EBF2: variants seen among roughly 807,000 people sequenced by gnomAD.
EBF2 encodes the protein transcription factor COE2.
Under a neutral mutation model 72.8 loss-of-function variants are expected in EBF2, and 21 were observed. The ratio of observed to expected loss-of-function variants is 0.29; its 90% CI spans 0.20 to 0.42. The LOEUF (loss-of-function observed/expected upper bound fraction) is 0.42, where lower values mean the gene tolerates loss of function less well. Ranked by LOEUF, EBF2 falls within the 10% of genes least tolerant of loss-of-function variation. The pLI is 1.00. For synonymous variants in EBF2, 299 were observed against 274.2 expected (o/e 1.09, Z -0.89); for missense variants, 637 against 731.2 (o/e 0.87, Z 1.49).
chr8:26,041,768 C>G (rs1306010327), intron 2 of EBF2, among the ~76,000 whole-genome samples: 1 of 152,154 alleles, frequency 6.6e-6, no homozygotes, highest in African/African-American at 2.4e-5. Context: ...TAAAATTAAC[C>G]CAGAGAAGGG....
chr8:26,041,269 C>T (rs956373980), intron 2 of EBF2: 9 of 523,356 alleles, frequency 1.7e-5, no homozygotes, highest in Middle Eastern at 5.2e-4. Flanking sequence ...CTTGAGCTTC[C>T]GACAACAGGA....
intron 6 of EBF2, among the ~76,000 whole-genome samples, chr8:25,979,841 C>T (rs1021971707): frequency 4.6e-5 from 7 of 152,130 alleles, no homozygotes; most frequent in Admixed American, 6.5e-5. Context: ...AAGGCTGTTC[C>T]GGCCACAAAA....
At chr8:25,915,857 C>A (rs1349452836) in intron 6 of EBF2, among the ~76,000 whole-genome samples, 1 of 152,148 alleles carries the variant, frequency 6.6e-6, no homozygotes, top group African/African-American at 2.4e-5. Flanking sequence ...CCTTTGGTAG[C>A]AGATAATTTC....
intron 3 of EBF2, 76 bp downstream of exon 3, chr8:26,040,863 T>C (rs1178590928): frequency 2.8e-5 from 45 of 1,595,928 alleles, no homozygotes; most frequent in Non-Finnish European, 3.7e-5. Context: ...CTGAGAGTGA[T>C]CATGGCAAGG....
At chr8:25,878,300 T>C (rs1016808850) in intron 10 of EBF2, among the ~76,000 whole-genome samples, 1 of 152,178 alleles carries the variant, frequency 6.6e-6, no homozygotes, top group Non-Finnish European at 1.5e-5. Flanking sequence ...AGCACTGTCC[T>C]GCAGTGAAGC....
intron 11 of EBF2, among the ~76,000 whole-genome samples, chr8:25,862,227 G>A (rs1424984129): frequency 6.6e-6 from 1 of 152,178 alleles, no homozygotes; most frequent in African/African-American, 2.4e-5. Context: ...AATTCATAAA[G>A]TAATTTTCAT....
chr8:25,860,487 C>A (rs1414114922), intron 13 of EBF2, among the ~76,000 whole-genome samples: 1 of 139,494 alleles, frequency 7.2e-6, no homozygotes, highest in Non-Finnish European at 1.6e-5. Context: ...ATACCCAATC[C>A]TTTTTTTTTT....
At chr8:25,867,249 T>C (rs1802347872) in intron 10 of EBF2, among the ~76,000 whole-genome samples, 1 of 152,230 alleles carries the variant, frequency 6.6e-6, no homozygotes, top group South Asian at 2.1e-4. Context: ...CTTTGAAAAC[T>C]ATATTGAGAA....
At chr8:26,010,579 G>A (rs888613413) in intron 6 of EBF2, among the ~76,000 whole-genome samples, 3 of 152,214 alleles carry the variant, frequency 2.0e-5, no homozygotes, top group Admixed American at 6.5e-5. Context: ...GCTGAGCACC[G>A]AGAGGAGCAC....
At chr8:25,860,697 T>A (rs12677611) in intron 13 of EBF2, among the ~76,000 whole-genome samples, 47,007 of 151,696 alleles carry the variant, frequency 0.31, 7,720 homozygotes, top group Middle Eastern at 0.41. Flanking sequence ...GCTATTTTTT[T>A]ATAGAGATGG....
chr8:25,997,826 C>T (rs921473273), intron 6 of EBF2, among the ~76,000 whole-genome samples: 1 of 152,068 alleles, frequency 6.6e-6, no homozygotes, highest in African/African-American at 2.4e-5. Flanking sequence ...AAAAGAACAG[C>T]AATGTTGGTT....
intron 6 of EBF2, among the ~76,000 whole-genome samples, chr8:26,010,327 C>T (rs1380163561): frequency 1.3e-5 from 2 of 152,212 alleles, no homozygotes; most frequent in Non-Finnish European, 2.9e-5. Context: ...GCTCCACAGA[C>T]CGAAAGGAAA....
intron 7 of EBF2, among the ~76,000 whole-genome samples, chr8:25,890,558 T>C (rs968900167): frequency 2.0e-5 from 3 of 152,174 alleles, no homozygotes; most frequent in African/African-American, 7.2e-5. Flanking sequence ...GCAACCATGA[T>C]CAAATTACTT....
chr8:25,916,303 CAAAAAACCCAA>C (rs1803214435), intron 6 of EBF2, among the ~76,000 whole-genome samples: 1 of 140,528 alleles, frequency 7.1e-6, no homozygotes, highest in Non-Finnish European at 1.6e-5. Flanking sequence ...AAAAAAAAAG[CAAAAAACCCAA>C]AAAAAACAAA....
intron 6 of EBF2, among the ~76,000 whole-genome samples, chr8:25,971,122 A>G (rs1037641868): frequency 9.9e-5 from 15 of 152,210 alleles, no homozygotes; most frequent in Non-Finnish European, 2.9e-5. Flanking sequence ...GGCATGAGCC[A>G]CTGCACCCAG....
chr8:26,035,833 G>A (rs1696302087), intron 5 of EBF2, among the ~76,000 whole-genome samples: 2 of 151,944 alleles, frequency 1.3e-5, no homozygotes, highest in Admixed American at 6.6e-5. Flanking sequence ...AAAAATGCAG[G>A]CCAGCTGCTC....
chr8:25,852,718 C>CAACA (rs1185302718), intron 14 of EBF2, among the ~76,000 whole-genome samples: 1 of 152,132 alleles, frequency 6.6e-6, no homozygotes, highest in Non-Finnish European at 1.5e-5. Flanking sequence ...ATATTTCTTA[C>CAACA]AACAATTTTG....
At chr8:25,947,167 T>C (rs1248028843) in intron 6 of EBF2, among the ~76,000 whole-genome samples, 1 of 152,134 alleles carries the variant, frequency 6.6e-6, no homozygotes, top group African/African-American at 2.4e-5. Context: ...ATAATCCTCA[T>C]GTGTCATGGA....
intron 7 of EBF2, among the ~76,000 whole-genome samples, chr8:25,893,082 C>T (rs1216593824): frequency 2.0e-5 from 3 of 152,030 alleles, no homozygotes; most frequent in East Asian, 1.9e-4. Flanking sequence ...GCCTCATGGT[C>T]GCAAGGTTAA....
Sources: gnomAD v4.1 joint callset for allele counts (sites outside exome capture counted in the v4.1 genomes callset) on GRCh38, gnomAD v4.1.1 for gene constraint, MANE v1.5 for transcripts, NCBI Gene and HGNC (gene_info 2026-07-23, HGNC 2026-07-21) for gene names.